Variants in LINGO1 observed in about 807,000 individuals in gnomAD.
LINGO1 encodes leucine rich repeat and Ig domain containing 1, also known as leucine-rich repeat and immunoglobulin-like domain-containing nogo receptor-interacting protein 1.
LINGO1 carries 11 observed loss-of-function variants against 37.3 expected under a neutral mutation model. That is an observed-to-expected ratio of 0.29 (90% confidence interval 0.19 to 0.49). The LOEUF (loss-of-function observed/expected upper bound fraction) is 0.49. Among genes scored for constraint, LINGO1 ranks in the 20% least tolerant of loss-of-function variants. LINGO1 has a pLI of 0.99. For synonymous variants in LINGO1, 387 were observed against 403.0 expected, an observed-to-expected ratio of 0.96 and a Z score of 0.48; for missense variants, 585 against 878.2, an observed-to-expected ratio of 0.67 and a Z score of 4.22.
Position 77,707,676 on chromosome 15 carries a change from G to A in LINGO1, c.-194-16775C>T, listed in dbSNP as rs114375651. Among the ~76,000 whole-genome samples the A allele has an allele frequency of 4.4e-3, 674 of 152,334 alleles. 7 individuals are homozygous for A. Among genetic ancestry groups the A allele is most frequent in the African/African-American group, 0.015 (636 of 41,580 alleles). On this transcript the variant is annotated intron_variant, in intron 2 of 3. Transcript: ENST00000561686. ...GAGGCTGAACCTATTGGCCTCCAGAGTCCCACCCAGCTGTGACGTTCTGCA... is the reference window on the plus strand; with the variant it reads ...GAGGCTGAACCTATTGGCCTCCAGAATCCCACCCAGCTGTGACGTTCTGCA...
chr15:77,672,457 G>A (rs1188801088), intron 3 of LINGO1, among the ~76,000 whole-genome samples: 9 of 152,168 alleles, frequency 5.9e-5, no homozygotes, highest in South Asian at 4.1e-4. Context: ...CTTTTGGAAC[G>A]GGAAAACCTT....
intron 1 of LINGO1, among the ~76,000 whole-genome samples, chr15:77,742,162 G>GT (rs2076271107): frequency 2.6e-5 from 4 of 152,232 alleles, no homozygotes; most frequent in African/African-American, 9.6e-5. Flanking sequence ...AGCCCCACAA[G>GT]CCTAGCTCAG....
intron 1 of LINGO1, among the ~76,000 whole-genome samples, chr15:77,802,003 C>A (rs1333323277): frequency 6.6e-6 from 1 of 152,166 alleles, no homozygotes; most frequent in Admixed American, 6.5e-5. Flanking sequence ...TAGAAAGGGC[C>A]TTTGCAGAAA....
chr15:77,658,168 G>T (rs1252161055), intron 3 of LINGO1, among the ~76,000 whole-genome samples: 3 of 152,156 alleles, frequency 2.0e-5, no homozygotes, highest in Non-Finnish European at 4.4e-5. Flanking sequence ...GGGCCGCCCT[G>T]CCCTGCCCAC....
At chr15:77,722,553 G>A (rs887848835) in intron 2 of LINGO1, among the ~76,000 whole-genome samples, 2 of 152,212 alleles carry the variant, frequency 1.3e-5, no homozygotes, top group Non-Finnish European at 2.9e-5. Context: ...ATAAAATGGC[G>A]ATGCTAACTC....
chr15:77,642,584 G>GGA (rs1308629624), intron 3 of LINGO1, among the ~76,000 whole-genome samples: 1 of 152,204 alleles, frequency 6.6e-6, no homozygotes, highest in Non-Finnish European at 1.5e-5. Flanking sequence ...CGAAGGCCAG[G>GGA]AGGGCAGTCT....
chr15:77,614,656 G>A lies in LINGO1; in HGVS notation c.1251C>T (p.Asn417=). ...TGCGGGCGCGGCGGCAGGTGAAGTA[G>A]TTGGGCAGTAGCACATCAGGGAAGT... ...FKDFPDVLLP[N]YFTCRRARIR... Residue 417 remains asparagine, a synonymous_variant, in exon 2 of 2, where the codon AAC becomes AAT. Transcript: ENST00000355300. 1 of 1,612,096 alleles carries A rather than the reference G, an allele frequency of 6.2e-7. No individual in the cohort carries two copies. The highest frequency in any genetic ancestry group is 2.2e-5 in the East Asian group (1 of 44,812).
chr15:77,740,991 C>T (rs1020459302), intron 1 of LINGO1, among the ~76,000 whole-genome samples: 1 of 152,200 alleles, frequency 6.6e-6, no homozygotes, highest in African/African-American at 2.4e-5. Flanking sequence ...TCAGGCATTC[C>T]CAGCCCCCAG....
intron 1 of LINGO1, among the ~76,000 whole-genome samples, chr15:77,783,265 G>A (rs1006064802): frequency 2.6e-5 from 4 of 152,222 alleles, no homozygotes; most frequent in African/African-American, 9.6e-5. Context: ...CTACCTGAGG[G>A]GAGGAGCAGT....
chr15:77,773,307 C>T (rs2076604201), intron 1 of LINGO1, among the ~76,000 whole-genome samples: 1 of 152,148 alleles, frequency 6.6e-6, no homozygotes, highest in African/African-American at 2.4e-5. Context: ...TGAGCAATTT[C>T]AATTCCAGCG....
chr15:77,662,463 T>C (rs2075015325), intron 3 of LINGO1, among the ~76,000 whole-genome samples: 1 of 152,112 alleles, frequency 6.6e-6, no homozygotes, highest in East Asian at 1.9e-4. Flanking sequence ...ACTGAGAACA[T>C]GACCCCACCC....
At chr15:77,752,580 C>A (rs1216902048) in intron 1 of LINGO1, among the ~76,000 whole-genome samples, 1 of 152,162 alleles carries the variant, frequency 6.6e-6, no homozygotes, top group East Asian at 1.9e-4. Context: ...ACAGGTTGGG[C>A]AATAAGGCAC....
chr15:77,690,593 G>T (rs918920170), intron 2 of LINGO1: 1 of 152,200 alleles, frequency 6.6e-6, no homozygotes, highest in Non-Finnish European at 1.5e-5. Flanking sequence ...TTTGTACTTT[G>T]CTACTTACAA....
intron 2 of LINGO1, among the ~76,000 whole-genome samples, chr15:77,728,057 C>T (rs1184970795): frequency 2.0e-5 from 3 of 152,212 alleles, no homozygotes; most frequent in Admixed American, 6.5e-5. Flanking sequence ...TCCCCTCTTA[C>T]CAGGCCTCTT....
At chr15:77,773,070 A>G (rs2076602146) in intron 1 of LINGO1, among the ~76,000 whole-genome samples, 1 of 152,180 alleles carries the variant, frequency 6.6e-6, no homozygotes, top group Non-Finnish European at 1.5e-5. Context: ...AACGGAGAAT[A>G]GGCTCATGGA....
In LINGO1 at chr15:77,615,478, G is replaced by A; in HGVS notation, c.429C>T (p.Ser143=). 1 of 1,614,074 alleles carries A rather than the reference G, an allele frequency of 6.2e-7. No individual in the cohort carries two copies. The highest frequency in any genetic ancestry group is 1.3e-5 in the African/African-American group (1 of 75,080). Residue 143 remains serine (S), a synonymous_variant, in exon 2 of 2, where the codon AGC becomes AGT. Coordinates refer to ENST00000355300, the MANE Select transcript of LINGO1 (RefSeq NM_032808.7). The stretch of plus-strand genomic sequence containing the variant: ...CGCTGATGTCCAGCTTGGTCAGGTT[G>A]CTGAGGCCAGTGAAGACGCCTAGCG... The part of the protein sequence containing the change: ...LIPLGVFTGL[S]NLTKLDISEN...
intron 1 of LINGO1, among the ~76,000 whole-genome samples, chr15:77,779,923 C>A (rs1246368436): frequency 6.6e-6 from 1 of 152,158 alleles, no homozygotes; most frequent in African/African-American, 2.4e-5. Context: ...GATACTGGAA[C>A]CCAGTGGTGA....
intron 3 of LINGO1, among the ~76,000 whole-genome samples, chr15:77,669,372 C>G (rs1236184054): frequency 6.6e-6 from 1 of 152,230 alleles, no homozygotes; most frequent in East Asian, 1.9e-4. Flanking sequence ...AGCAAGAGCA[C>G]AGAGCCACAT....
intron 1 of LINGO1, among the ~76,000 whole-genome samples, chr15:77,806,490 G>A (rs950011628): frequency 3.3e-5 from 5 of 152,242 alleles, no homozygotes; most frequent in African/African-American, 1.2e-4. Flanking sequence ...GGTCCCTGGG[G>A]CGAGCTTGAC....
Sources: allele counts gnomAD v4.1 joint callset (sites outside exome capture counted in the v4.1 genomes callset), GRCh38; gene constraint gnomAD v4.1.1; transcripts MANE v1.5; gene names NCBI Gene and HGNC (gene_info 2026-07-23, HGNC 2026-07-21).